Variants in EYS observed in about 807,000 individuals in gnomAD.
The protein encoded by EYS is protein eyes shut homolog.
EYS carries 250 observed loss-of-function variants against 282.1 expected under a neutral mutation model. That is an observed-to-expected ratio of 0.89 (90% CI 0.80 to 0.98). The LOEUF is 0.98. Among genes scored for constraint, EYS ranks in the 50% least tolerant of loss-of-function variants. The probability of loss-of-function intolerance (pLI) is 0.00; values close to 1 mark genes in which losing one functional copy is unlikely to be tolerated. For missense variants in EYS, 4,016 were observed against 3,709.0 expected (o/e 1.08, Z -2.15); for synonymous variants, 1,355 against 1,282.9 (o/e 1.06, Z -1.20).
At chr6:64,633,626 C>CAAAAA (rs58815312) in intron 22 of EYS, among the ~76,000 whole-genome samples, 1 of 140,612 alleles carries the variant, frequency 7.1e-6, no homozygotes. Context: ...CTTTTCTCAG[C>CAAAAA]AAAAAAAAAA....
intron 1 of EYS, among the ~76,000 whole-genome samples, chr6:65,652,479 GGT>G (rs1437740786): frequency 3.3e-5 from 5 of 151,818 alleles, no homozygotes; most frequent in Non-Finnish European, 7.4e-5. Flanking sequence ...ATGGCTTGTT[GGT>G]GTCACTTTTT....
intron 13 of EYS, among the ~76,000 whole-genome samples, chr6:65,006,583 A>T (rs1254579976): frequency 1.3e-5 from 2 of 152,132 alleles, no homozygotes; most frequent in Non-Finnish European, 2.9e-5. Context: ...TGTTAGAAAA[A>T]GCTAATGTAA....
At chr6:65,624,666 G>A (rs1206024118) in intron 2 of EYS, among the ~76,000 whole-genome samples, 1 of 152,196 alleles carries the variant, frequency 6.6e-6, no homozygotes, top group African/African-American at 2.4e-5. Flanking sequence ...GCAGGCAGGA[G>A]AAGGTGGAAG....
At chr6:64,733,969 A>G (rs1334656873) in intron 22 of EYS, 1 of 153,116 alleles carries the variant, frequency 6.5e-6, no homozygotes, top group African/African-American at 2.4e-5. Context: ...AGAAATGAAG[A>G]AGTATTTTTT....
chr6:64,374,793 C>G (rs1170249383), intron 29 of EYS, among the ~76,000 whole-genome samples: 1 of 152,128 alleles, frequency 6.6e-6, no homozygotes. Flanking sequence ...GTAAAGTAGT[C>G]CCAGCTAAGC....
At position 64,917,166 on chromosome 6, in the gene EYS, T is replaced by C. The variant is rs1464534090; in HGVS notation, c.2382-4423A>G. On this transcript the variant is annotated intron_variant, in intron 15 of 42. Coordinates refer to ENST00000503581, the MANE Select transcript of EYS (RefSeq NM_001142800.2). ...CGGGAGGCTGAAGCAGGAGAATTGCTTGAACCTGGGTGGCGGAGGCTGCAG... is the reference window on the plus strand; with the variant it reads ...CGGGAGGCTGAAGCAGGAGAATTGCCTGAACCTGGGTGGCGGAGGCTGCAG... Among the ~76,000 whole-genome samples, 6 of 152,110 alleles carry C rather than the reference T, an allele frequency of 3.9e-5. No individual in the cohort carries two copies. The South Asian group carries it at 1.0e-3, about 26-fold the overall frequency.
At chr6:65,440,348 A>G (rs772915258) in intron 5 of EYS, among the ~76,000 whole-genome samples, 1 of 151,504 alleles carries the variant, frequency 6.6e-6, no homozygotes, top group Non-Finnish European at 1.5e-5. Flanking sequence ...AAAACTTACA[A>G]TGCATGTTAG....
chr6:64,032,313 C>G (rs1769890879), intron 33 of EYS, among the ~76,000 whole-genome samples: 1 of 152,216 alleles, frequency 6.6e-6, no homozygotes, highest in Non-Finnish European at 1.5e-5. Context: ...AGACCAAGAA[C>G]CCACCAATTC....
At chr6:63,928,422 T>C (rs1764783889) in intron 35 of EYS, among the ~76,000 whole-genome samples, 1 of 152,222 alleles carries the variant, frequency 6.6e-6, no homozygotes, top group African/African-American at 2.4e-5. Flanking sequence ...AAAGTGCTTA[T>C]GACATTATCA....
At chr6:64,809,735 C>T (rs1362706911) in intron 22 of EYS, among the ~76,000 whole-genome samples, 1 of 152,012 alleles carries the variant, frequency 6.6e-6, no homozygotes, top group African/African-American at 2.4e-5. Flanking sequence ...GAAAACCAAA[C>T]ACCATACGTT....
intron 2 of EYS, among the ~76,000 whole-genome samples, chr6:65,544,722 T>C (rs1768317890): frequency 6.6e-6 from 1 of 152,106 alleles, no homozygotes; most frequent in South Asian, 2.1e-4. Context: ...AAATTTTTAA[T>C]ATAGAGAAAA....
At chr6:65,369,152 A>G (rs1582197210) in intron 8 of EYS, among the ~76,000 whole-genome samples, 1 of 150,484 alleles carries the variant, frequency 6.6e-6, no homozygotes, top group East Asian at 1.9e-4. Context: ...GAAAAAAATC[A>G]AGCAAATTTA....
At chr6:65,189,250 A>G (rs916749731) in intron 12 of EYS, among the ~76,000 whole-genome samples, 1 of 151,770 alleles carries the variant, frequency 6.6e-6, no homozygotes, top group African/African-American at 2.4e-5. Flanking sequence ...AAATATCTAT[A>G]TGATTAAACT....
chr6:64,850,203 A>T (rs532187217), intron 19 of EYS, among the ~76,000 whole-genome samples: 1 of 152,244 alleles, frequency 6.6e-6, no homozygotes, highest in South Asian at 2.1e-4. Flanking sequence ...TCATGGATGC[A>T]TATTTTATTT....
intron 26 of EYS, among the ~76,000 whole-genome samples, chr6:64,575,473 G>T (rs1765853681): frequency 6.6e-6 from 1 of 152,096 alleles, no homozygotes; most frequent in Non-Finnish European, 1.5e-5. Flanking sequence ...ACAGCTTCAT[G>T]GCAGAAGCAA....
At chr6:63,796,430 G>C (rs1770646318) in intron 37 of EYS, among the ~76,000 whole-genome samples, 1 of 152,110 alleles carries the variant, frequency 6.6e-6, no homozygotes, top group South Asian at 2.1e-4. Flanking sequence ...GGTTAATATT[G>C]TGACTTTTAA....
intron 15 of EYS, among the ~76,000 whole-genome samples, chr6:64,938,366 T>C (rs1391881560): frequency 6.6e-6 from 1 of 151,184 alleles, no homozygotes; most frequent in Admixed American, 6.6e-5. Flanking sequence ...GAGACCACAT[T>C]GACACACTTT....
At chr6:65,003,982 C>T (rs1771552471) in intron 13 of EYS, among the ~76,000 whole-genome samples, 4 of 147,260 alleles carry the variant, frequency 2.7e-5, no homozygotes, top group Admixed American at 2.7e-4. Flanking sequence ...ATGTTTCCAT[C>T]TTACTTTTCC....
intron 19 of EYS, among the ~76,000 whole-genome samples, chr6:64,884,813 A>G (rs1261688888): frequency 1.3e-5 from 2 of 151,606 alleles, no homozygotes; most frequent in African/African-American, 4.8e-5. Flanking sequence ...TTTTTTCTAT[A>G]TTCAACTGTA....
Sources: gnomAD v4.1 joint callset for allele counts (sites outside exome capture counted in the v4.1 genomes callset) on GRCh38, gnomAD v4.1.1 for gene constraint, MANE v1.5 for transcripts, NCBI Gene and HGNC (gene_info 2026-07-23, HGNC 2026-07-21) for gene names.